Variants in DYNC2H1 observed in about 807,000 individuals in gnomAD.
DYNC2H1 encodes dynein cytoplasmic 2 heavy chain 1.
Under a neutral mutation model 570.0 loss-of-function variants are expected in DYNC2H1, and 410 were observed. The ratio of observed to expected loss-of-function variants is 0.72; its 90% CI spans 0.66 to 0.78. DYNC2H1 has a LOEUF of 0.78. DYNC2H1 is among the 30% of genes least tolerant of loss of function. The pLI is 0.00. For missense variants in DYNC2H1, 4,865 were observed against 5,046.4 expected (o/e 0.96, Z 1.09); for synonymous variants, 1,688 against 1,677.6 (o/e 1.01, Z -0.15).
chr11:103,293,336 CT>C (rs1209444779), intron 75 of DYNC2H1, among the ~76,000 whole-genome samples: 4 of 151,966 alleles, frequency 2.6e-5, no homozygotes, highest in African/African-American at 7.3e-5. Context: ...TGTCTTGCTG[CT>C]TTTAGAATCT....
Position 103,243,394 on chromosome 11 carries a change from A to G in DYNC2H1, c.9820-299A>G, listed in dbSNP as rs1301296343. 6.6e-6 allele frequency among the ~76,000 whole-genome samples: 1 copy of G among 152,190 alleles called. No individual in the cohort carries two copies. The highest frequency in any genetic ancestry group is 1.9e-4 in the East Asian group (1 of 5,186). On this transcript the variant is annotated intron_variant, in intron 63 of 88. Coordinates refer to ENST00000375735, the MANE Select transcript of DYNC2H1 (RefSeq NM_001377.3). This position sits in a 1 kb window ranked among gnomAD's most constrained non-coding sequence, Gnocchi z 4.8. ...CTTGAGACTAAAGCTCTTGCTTAGC[A>G]TAATGTTAGTACAGATATTCTGTGT...
At position 103,304,640 on chromosome 11, in the gene DYNC2H1, A is replaced by C. The variant is rs764723578; in HGVS notation, c.11302A>C (p.Lys3768Gln). The change falls in exon 77 of 89, where the codon AAA becomes CAA. Residue 3768 changes from lysine to glutamine, a missense_variant. Lys to Gln is a moderately conservative substitution (Grantham distance 53, BLOSUM62 1). Around this residue, in one of 5 missense-constraint regions of DYNC2H1, gnomAD observed 2,401 missense variants for 2,454.6 expected, o/e 0.98. Transcript: ENST00000375735. ...GQADLAIQML[K>Q]ECARNGDWLC... The stretch of plus-strand genomic sequence containing the variant: ...AGCTGATTTAGCAATTCAAATGCTA[A>C]AAGAATGTGCCCGCAATGGAGACTG... 6.2e-7 allele frequency: 1 copy of C among 1,613,462 alleles called. No individual in the cohort carries two copies. Among genetic ancestry groups the C allele is most frequent in the South Asian group, 1.1e-5 (1 of 91,068 alleles).
rs550687272 is a variant in DYNC2H1, at chr11:103,179,371, TTTAA to T, written c.6347+145_6347+148del. On this transcript the variant is annotated intron_variant, in intron 39 of 88. Coordinates refer to ENST00000375735, the MANE Select transcript of DYNC2H1 (RefSeq NM_001377.3). ...ATGATTAACTTCTTTTTTGTTAGGTTTTAATTAATTCAGAGAGTTCCTGTTTTAT... is the reference window on the plus strand; with the variant it reads ...ATGATTAACTTCTTTTTTGTTAGGTTTTAATTCAGAGAGTTCCTGTTTTAT... The T allele has an allele frequency of 6.6e-4, 491 of 739,798 alleles. 3 individuals carry two copies. The Middle Eastern group carries it at 7.7e-3, about 12-fold the overall frequency. The allele number at this position is 739,798 out of a possible 1,614,324, so 45.8% of individuals were successfully genotyped here.
intron 25 of DYNC2H1, 125 bp downstream of exon 25, chr11:103,155,626 A>C (rs1860782117): frequency 1.1e-6 from 1 of 913,862 alleles, no homozygotes; most frequent in Non-Finnish European, 1.6e-6. Flanking sequence ...CAAAAAGTAA[A>C]CAAACACAAA....
chr11:103,199,265 A>G lies in DYNC2H1; in HGVS notation c.7877A>G (p.Asp2626Gly), dbSNP rs766544003. The G allele has an allele frequency of 1.0e-5, 16 of 1,606,452 alleles. No homozygotes were observed. The highest frequency in any genetic ancestry group is 8.5e-7 in the Non-Finnish European group (1 of 1,176,772). ...IHYGRDNQNL[D>G]ILLFHEVLEY... ...TATGGACGAGATAACCAGAATTTAGACATTTTACTTTTCCACGAAGTCTTG... is the reference window on the plus strand; with the variant it reads ...TATGGACGAGATAACCAGAATTTAGGCATTTTACTTTTCCACGAAGTCTTG... Residue 2626 changes from aspartate (D) to glycine (G), a missense_variant, in exon 49 of 89, where the codon GAC becomes GGC. By Grantham distance (94) the Asp-to-Gly change is moderately conservative. Transcript: ENST00000375735. The surrounding 1 kb of genome is among the most constrained non-coding windows in gnomAD (Gnocchi z 4.6).
chr11:103,205,794 T>G lies in DYNC2H1; in HGVS notation c.8454+830T>G, dbSNP rs137944364. On this transcript the variant is annotated intron_variant, in intron 52 of 88. Transcript: ENST00000375735. The surrounding 1 kb of genome is among the most constrained non-coding windows in gnomAD (Gnocchi z 4.5). ...CCTGGGTAGAGAGCATGTCTGATGA[T>G]TTTGAGGATCAGTAAGAGGCAACTT... Among the ~76,000 whole-genome samples, 1 of 152,158 alleles carries G rather than the reference T, an allele frequency of 6.6e-6. No individual in the cohort carries two copies. Among genetic ancestry groups the G allele is most frequent in the East Asian group, 1.9e-4 (1 of 5,182 alleles).
intron 44 of DYNC2H1, 77 bp downstream of exon 44, chr11:103,188,725 G>A: frequency 8.9e-7 from 1 of 1,126,214 alleles, no homozygotes; most frequent in Non-Finnish European, 1.2e-6. Flanking sequence ...AAGTATTTAT[G>A]ATAATACTTT....
At chr11:103,423,333 G>C (rs985964781) in intron 84 of DYNC2H1, among the ~76,000 whole-genome samples, 2 of 148,004 alleles carry the variant, frequency 1.4e-5, no homozygotes, top group African/African-American at 4.9e-5. Flanking sequence ...AATAGGCTAA[G>C]GTAATTAAAT....
At chr11:103,370,260 G>C (rs1034360933) in intron 83 of DYNC2H1, among the ~76,000 whole-genome samples, 1 of 151,588 alleles carries the variant, frequency 6.6e-6, no homozygotes, top group African/African-American at 2.4e-5. Context: ...GAAAGGAGAA[G>C]GACTGAATTT....
At chr11:103,136,786 C>T (rs1207785157) in intron 17 of DYNC2H1, among the ~76,000 whole-genome samples, 3 of 152,152 alleles carry the variant, frequency 2.0e-5, no homozygotes, top group Non-Finnish European at 4.4e-5. Flanking sequence ...TTCTAGATCC[C>T]TGAGGAATAG....
At chr11:103,443,779 T>C (rs1163897938) in intron 85 of DYNC2H1, among the ~76,000 whole-genome samples, 1 of 151,888 alleles carries the variant, frequency 6.6e-6, no homozygotes, top group East Asian at 1.9e-4. Flanking sequence ...TACCTAGTTT[T>C]TATTTTTTTC....
At chr11:103,309,168 A>ATTTTTTTTTTTTTCTTTTTTT in intron 78 of DYNC2H1, among the ~76,000 whole-genome samples, 1 of 54,620 alleles carries the variant, frequency 1.8e-5, no homozygotes, top group Non-Finnish European at 3.4e-5. Context: ...ACTGCATGCT[A>ATTTTTTTTTTTTTCTTTTTTT]TTTTTTTTTT....
At chr11:103,353,359 G>T (rs1242507235) in intron 82 of DYNC2H1, among the ~76,000 whole-genome samples, 2 of 151,972 alleles carry the variant, frequency 1.3e-5, no homozygotes, top group Admixed American at 1.3e-4. Flanking sequence ...TGTCCCTTAG[G>T]TCATGCTTGT....
At chr11:103,178,069 A>G (rs1861699266) in intron 38 of DYNC2H1, among the ~76,000 whole-genome samples, 1 of 152,176 alleles carries the variant, frequency 6.6e-6, no homozygotes, top group Admixed American at 6.5e-5. Context: ...TCACAACTAG[A>G]TTAATTTACT....
intron 84 of DYNC2H1, among the ~76,000 whole-genome samples, chr11:103,421,286 T>C (rs960492611): frequency 6.6e-6 from 1 of 151,844 alleles, no homozygotes; most frequent in Admixed American, 6.6e-5. Context: ...TTGACAATAT[T>C]AGACCATCGA....
rs193045715 is a variant in DYNC2H1 at position 103,199,511 on chromosome 11, T to C, written c.8088+35T>C. On this transcript the variant is annotated intron_variant, in intron 49 of 88. Transcript: ENST00000375735. The surrounding 1 kb of genome is among the most constrained non-coding windows in gnomAD (Gnocchi z 4.6). ...CCACTCTCTTTTGCTTTATTTGGTT[T>C]TAAATTACATTGGTTATTACTCTAA... 4.7e-6 allele frequency: 7 copies of C among 1,481,906 alleles called. No individual in the cohort carries two copies. The Admixed American group carries it at 1.7e-4, about 35-fold the overall frequency. The allele number at this position is 1,481,906 out of a possible 1,614,324, so 91.8% of individuals were successfully genotyped here. A position where few individuals can be genotyped will look rare whatever the true frequency, so the allele number is the denominator to read the frequency against.
intron 43 of DYNC2H1, among the ~76,000 whole-genome samples, 181 bp from the exon 44 acceptor site, chr11:103,188,316 G>T (rs577265802): frequency 8.2e-4 from 125 of 152,004 alleles, no homozygotes; most frequent in African/African-American, 3.0e-3. Context: ...AGAACACAGA[G>T]ATTTGAACAG....
rs663457 is a variant in DYNC2H1, at chr11:103,253,599, T to C, written c.10206+151T>C. ...ACTTGTATGTTGGAGTGAAGCATTCTGGCTTATTTCATTTATCATATGTAT... is the reference window on the plus strand; with the variant it reads ...ACTTGTATGTTGGAGTGAAGCATTCCGGCTTATTTCATTTATCATATGTAT... On this transcript the variant is annotated intron_variant, in intron 66 of 88. Transcript: ENST00000375735. Among the ~76,000 whole-genome samples, 61,068 of 152,050 alleles carry C rather than the reference T, an allele frequency of 0.4. 12,559 individuals carry two copies. The highest frequency in any genetic ancestry group is 0.47 in the African/African-American group (19,575 of 41,476).
chr11:103,231,323 A>G lies in DYNC2H1; in HGVS notation c.9417A>G (p.Gln3139=). 1.2e-6 allele frequency: 2 copies of G among 1,606,616 alleles called. No individual in the cohort carries two copies. Among genetic ancestry groups the G allele is most frequent in the Non-Finnish European group, 1.7e-6 (2 of 1,176,738 alleles). The change falls in exon 60 of 89, where the codon CAA becomes CAG. Residue 3139 remains glutamine, a synonymous_variant. Transcript: ENST00000375735. The part of the protein sequence containing the change: ...KLEELLNSVG[Q]KVSELKEKFQ... Reference sequence around the variant, plus strand: ...AGGAGCTTCTTAATTCTGTTGGTCAAAAGGTATCAGAACTCAAAGAAAAGT... The same window carrying G: ...AGGAGCTTCTTAATTCTGTTGGTCAGAAGGTATCAGAACTCAAAGAAAAGT...
Sources: gnomAD v4.1 joint callset for allele counts (sites outside exome capture counted in the v4.1 genomes callset) on GRCh38, gnomAD v4.1.1 for gene constraint, gnomAD v4.1.1 regional missense constraint, Gnocchi (gnomAD v3.1) non-coding constraint, MANE v1.5 for transcripts, NCBI Gene and HGNC (gene_info 2026-07-23, HGNC 2026-07-21) for gene names.